Variants in NRG4 observed in about 807,000 individuals in gnomAD.
NRG4 encodes the protein pro-neuregulin-4, membrane-bound isoform.
Under a neutral mutation model 15.0 loss-of-function variants are expected in NRG4, and 10 were observed. The observed-to-expected ratio is 0.67, with a 90% CI of 0.41 to 1.13. NRG4 has a LOEUF of 1.13. Ranked by LOEUF, NRG4 falls within the 50% of genes most tolerant of loss-of-function variation. The pLI is 0.00. For synonymous variants in NRG4, 41 were observed against 50.1 expected (o/e 0.82, Z 0.77); for missense variants, 139 against 140.2 (o/e 0.99, Z 0.04).
At chr15:75,985,088 G>T (rs988168478) in intron 3 of NRG4, among the ~76,000 whole-genome samples, 7 of 152,136 alleles carry the variant, frequency 4.6e-5, no homozygotes, top group African/African-American at 1.7e-4. Context: ...CAAGTGGTCT[G>T]CTTGCCTCAG....
downstream of NRG4, chr15:75,939,205 T>C (rs1008082762): frequency 2.0e-5 from 3 of 151,690 alleles, no homozygotes; most frequent in Admixed American, 6.6e-5. Context: ...TATGCGTAGA[T>C]AGACTAAGAA....
intron 3 of NRG4, among the ~76,000 whole-genome samples, chr15:75,983,252 A>T (rs2141855272): frequency 6.6e-6 from 1 of 152,360 alleles, no homozygotes; most frequent in African/African-American, 2.4e-5. Flanking sequence ...GTCTTAGCAG[A>T]GAAATGGTAA....
intron 5 of NRG4, among the ~76,000 whole-genome samples, chr15:76,035,281 A>C (rs1428047601): frequency 6.6e-6 from 1 of 152,220 alleles, no homozygotes. Flanking sequence ...GAGGAGAAAG[A>C]GTAAAGTACC....
At chr15:75,970,265 G>T (rs183604254) in intron 3 of NRG4, among the ~76,000 whole-genome samples, 1 of 152,256 alleles carries the variant, frequency 6.6e-6, no homozygotes, top group Non-Finnish European at 1.5e-5. Flanking sequence ...GAGACAACAC[G>T]TCCAATGAAG....
chr15:75,985,786 AAAATT>A (rs1224083242), intron 3 of NRG4, among the ~76,000 whole-genome samples: 2 of 150,408 alleles, frequency 1.3e-5, no homozygotes, highest in Non-Finnish European at 1.5e-5. Context: ...AAAGACTGAT[AAAATT>A]AAGTATGTAA....
At chr15:75,943,911 C>G (rs1221820513) in intron 5 of NRG4, among the ~76,000 whole-genome samples, 3 of 152,056 alleles carry the variant, frequency 2.0e-5, no homozygotes, top group Admixed American at 6.6e-5. Context: ...GCCCACACCC[C>G]CCGCCCCTCA....
At chr15:76,028,105 C>G (rs1240624990) in intron 5 of NRG4, among the ~76,000 whole-genome samples, 1 of 150,886 alleles carries the variant, frequency 6.6e-6, no homozygotes, top group Non-Finnish European at 1.5e-5. Flanking sequence ...TGATGCATCT[C>G]AAGGAACTAA....
chr15:76,044,325 G>T lies in NRG4; in HGVS notation c.-105+7742C>A, dbSNP rs2035817335. Among the ~76,000 whole-genome samples, 3 of 148,558 alleles carry T rather than the reference G, an allele frequency of 2.0e-5. No individual in the cohort carries two copies. In the South Asian group the frequency reaches 6.3e-4, roughly 31 times the overall value. ...CCACATGAACTCATTTTTGACAAAG[G>T]TGCCAAGAACATACTTGGGGAAAGG... On this transcript the variant is annotated intron_variant, in intron 4 of 8. Transcript: ENST00000563910.
chr15:75,996,167 C>G (rs866548192), intron 3 of NRG4, among the ~76,000 whole-genome samples: 1 of 152,082 alleles, frequency 6.6e-6, no homozygotes, highest in Non-Finnish European at 1.5e-5. Context: ...GGCAACATAA[C>G]GAGGCCACGT....
intron 3 of NRG4, among the ~76,000 whole-genome samples, chr15:75,999,273 A>G (rs950689961): frequency 6.6e-6 from 1 of 152,176 alleles, no homozygotes; most frequent in Non-Finnish European, 1.5e-5. Flanking sequence ...CTATAAACTG[A>G]TAATGTTGGG....
intron 5 of NRG4, among the ~76,000 whole-genome samples, chr15:76,031,549 G>C (rs1170152995): frequency 6.6e-6 from 1 of 152,164 alleles, no homozygotes; most frequent in Non-Finnish European, 1.5e-5. Flanking sequence ...AATCAGCCAG[G>C]CATGGCAGCA....
chr15:75,970,119 T>G (rs1035338108), intron 3 of NRG4, among the ~76,000 whole-genome samples: 4 of 152,236 alleles, frequency 2.6e-5, no homozygotes, highest in African/African-American at 9.6e-5. Context: ...CTTAACCATT[T>G]GATCTTAAGA....
rs1233337378 is a variant in NRG4, at chr15:75,967,542, A to G, written c.105-5568T>C. 2.8e-5 allele frequency among the ~76,000 whole-genome samples: 4 copies of G among 145,304 alleles called. No individual in the cohort carries two copies. In the Admixed American group the frequency reaches 2.9e-4, roughly 10 times the overall value. On this transcript the variant is annotated intron_variant, in intron 3 of 5. Coordinates refer to ENST00000394907, the MANE Select transcript of NRG4 (RefSeq NM_138573.4). ...AATGGTGTGATCTCAGCTCACTGCAACCTCTGCCTTCTGAGTTCAAGAGAT... is the reference window on the plus strand; with the variant it reads ...AATGGTGTGATCTCAGCTCACTGCAGCCTCTGCCTTCTGAGTTCAAGAGAT...
At chr15:76,035,015 C>T (rs1013302231) in intron 5 of NRG4, among the ~76,000 whole-genome samples, 1 of 152,180 alleles carries the variant, frequency 6.6e-6, no homozygotes, top group Non-Finnish European at 1.5e-5. Context: ...TGCCATTGAA[C>T]GGCAGGCACA....
chr15:76,003,127 A>G (rs1280136701), intron 3 of NRG4, among the ~76,000 whole-genome samples: 1 of 152,204 alleles, frequency 6.6e-6, no homozygotes, highest in South Asian at 2.1e-4. Context: ...TTCTCTCACT[A>G]TAATGGAATT....
At chr15:75,967,112 CAAAAAA>C (rs1300663699) in intron 3 of NRG4, among the ~76,000 whole-genome samples, 1 of 51,160 alleles carries the variant, frequency 2.0e-5, no homozygotes, top group Non-Finnish European at 3.9e-5. Flanking sequence ...GACTCCGTCT[CAAAAAA>C]AAAAAAAAAA....
intron 5 of NRG4, chr15:75,950,347 G>A (rs1199904646): frequency 1.3e-5 from 2 of 154,400 alleles, no homozygotes; most frequent in Non-Finnish European, 2.9e-5. Context: ...TCTATCAGAA[G>A]AATATTCTCC....
chr15:75,979,674 T>A (rs183035960), intron 3 of NRG4, among the ~76,000 whole-genome samples: 43 of 152,250 alleles, frequency 2.8e-4, no homozygotes, highest in Admixed American at 2.7e-3. Flanking sequence ...ATACATTTTA[T>A]TTTCTGGATA....
intron 5 of NRG4, among the ~76,000 whole-genome samples, chr15:75,949,434 CTG>C: frequency 6.6e-6 from 1 of 151,742 alleles, no homozygotes. Flanking sequence ...TTTAAATGGG[CTG>C]TCTTTTTATT....
Sources: gnomAD v4.1 joint callset for allele counts (sites outside exome capture counted in the v4.1 genomes callset) on GRCh38, gnomAD v4.1.1 for gene constraint, MANE v1.5 for transcripts, NCBI Gene and HGNC (gene_info 2026-07-23, HGNC 2026-07-21) for gene names.